GALNT7: variants seen among roughly 807,000 people sequenced by gnomAD.
GALNT7 encodes the protein polypeptide N-acetylgalactosaminyltransferase 7.
Under a neutral mutation model 82.1 loss-of-function variants are expected in GALNT7, and 60 were observed. The observed-to-expected ratio is 0.73, with a 90% CI of 0.59 to 0.91. The LOEUF is 0.91. Among genes scored for constraint, GALNT7 ranks in the 40% least tolerant of loss-of-function variants. The pLI is 0.00. For synonymous variants in GALNT7, 243 were observed against 275.1 expected (o/e 0.88, Z 1.15); for missense variants, 660 against 804.2 (o/e 0.82, Z 2.17).
At chr4:173,229,833 TA>T in intron 1 of GALNT7, among the ~76,000 whole-genome samples, 1 of 152,220 alleles carries the variant, frequency 6.6e-6, no homozygotes, top group East Asian at 1.9e-4. Context: ...CTTTCTCTGA[TA>T]AATTGATTTA....
intron 2 of GALNT7, among the ~76,000 whole-genome samples, chr4:173,275,763 TC>T (rs1404657404): frequency 6.6e-6 from 1 of 152,158 alleles, no homozygotes; most frequent in Non-Finnish European, 1.5e-5. Flanking sequence ...ATGAAATCTG[TC>T]CCAGGAAAAG....
At chr4:173,220,437 A>C (rs1054601070) in intron 1 of GALNT7, among the ~76,000 whole-genome samples, 8 of 151,806 alleles carry the variant, frequency 5.3e-5, no homozygotes, top group Admixed American at 5.2e-4. Flanking sequence ...ATACCTCCAG[A>C]TTTGTTCTTT....
At chr4:173,203,935 T>A (rs911738097) in intron 1 of GALNT7, among the ~76,000 whole-genome samples, 1 of 152,218 alleles carries the variant, frequency 6.6e-6, no homozygotes, top group Non-Finnish European at 1.5e-5. Flanking sequence ...AGTTTTATGC[T>A]TTCATATGTT....
chr4:173,194,424 CTT>C lies in GALNT7; in HGVS notation c.126+25467_126+25468del, dbSNP rs374075100. 6.2e-3 allele frequency among the ~76,000 whole-genome samples: 942 copies of C among 152,310 alleles called. 8 individuals are homozygous for C. The highest frequency in any genetic ancestry group is 0.02 in the African/African-American group (841 of 41,562). On this transcript the variant is annotated intron_variant, in intron 1 of 11. Transcript: ENST00000265000. Reference sequence around the variant, plus strand: ...AAAATGTTTGGAAAGCTGTTGGAAACTTTTTGTCAACACGTCCACATTTGCAG... The same window carrying C: ...AAAATGTTTGGAAAGCTGTTGGAAACTTTGTCAACACGTCCACATTTGCAG...
chr4:173,272,321 T>C (rs1579977644), intron 2 of GALNT7, among the ~76,000 whole-genome samples: 2 of 152,356 alleles, frequency 1.3e-5, no homozygotes, highest in East Asian at 3.9e-4. Flanking sequence ...ACTGATACTA[T>C]TTCAAGATGA....
chr4:173,319,226 C>T (rs1452486426), intron 11 of GALNT7, among the ~76,000 whole-genome samples: 2 of 151,996 alleles, frequency 1.3e-5, no homozygotes, highest in East Asian at 3.9e-4. Context: ...ATTTGGCTAA[C>T]ATAAATCAAT....
intron 2 of GALNT7, among the ~76,000 whole-genome samples, chr4:173,274,162 A>ATTT (rs555205725): frequency 6.6e-6 from 1 of 152,104 alleles, no homozygotes; most frequent in Non-Finnish European, 1.5e-5. Context: ...TCCCTGCCAG[A>ATTT]TTTTTTTTCT....
chr4:173,232,947 G>C (rs1425524622), intron 1 of GALNT7, among the ~76,000 whole-genome samples: 1 of 152,104 alleles, frequency 6.6e-6, no homozygotes, highest in Non-Finnish European at 1.5e-5. Context: ...ACCTCGGTGA[G>C]ATCCACTTTT....
chr4:173,272,452 C>T (rs561150051), intron 2 of GALNT7, among the ~76,000 whole-genome samples: 20 of 152,336 alleles, frequency 1.3e-4, no homozygotes, highest in Admixed American at 3.3e-4. Flanking sequence ...GCATCTGCCT[C>T]TTTCAGAGTG....
At chr4:173,298,017 T>C (rs777706915) in intron 5 of GALNT7, 98 bp from the exon 6 acceptor site, 47 of 1,542,532 alleles carry the variant, frequency 3.0e-5, no homozygotes, top group Non-Finnish European at 3.5e-5. Context: ...TGAATGTTTA[T>C]CTAAGTTCTT....
chr4:173,314,029 G>A lies in GALNT7; in HGVS notation c.1461G>A (p.Ser487=), dbSNP rs61741158. 13 of 1,609,632 alleles carry A rather than the reference G, an allele frequency of 8.1e-6. No individual in the cohort carries two copies. The highest frequency in any genetic ancestry group is 1.6e-4 in the Middle Eastern group (1 of 6,074). ...ACTTCTATGCTAGTCGTCCTGAATC[G>A]CAGGCATTACCATATGGGGATATAT... The part of the protein sequence containing the change: ...KDYFYASRPE[S]QALPYGDISE... The change falls in exon 9 of 12, where the codon TCG becomes TCA. Residue 487 remains serine (S), a synonymous_variant. Coordinates refer to ENST00000265000, the MANE Select transcript of GALNT7 (RefSeq NM_017423.3).
chr4:173,187,896 A>G (rs1732506818), intron 1 of GALNT7, among the ~76,000 whole-genome samples: 1 of 152,176 alleles, frequency 6.6e-6, no homozygotes, highest in South Asian at 2.1e-4. Context: ...TTTCCTTCAT[A>G]TTATGAATAT....
At chr4:173,259,443 A>C (rs1735173754) in intron 2 of GALNT7, among the ~76,000 whole-genome samples, 1 of 149,412 alleles carries the variant, frequency 6.7e-6, no homozygotes. Context: ...TTTTTTTTTA[A>C]TAACAAATAC....
intron 2 of GALNT7, among the ~76,000 whole-genome samples, chr4:173,259,741 G>A (rs969943732): frequency 7.2e-5 from 11 of 152,224 alleles, no homozygotes; most frequent in Non-Finnish European, 1.0e-4. Context: ...GGGTTCAAGT[G>A]ATTTTACCAC....
intron 8 of GALNT7, among the ~76,000 whole-genome samples, chr4:173,307,455 A>G (rs1737202296): frequency 6.6e-6 from 1 of 152,264 alleles, no homozygotes; most frequent in Non-Finnish European, 1.5e-5. Context: ...CTCTAGGGAC[A>G]GAGTGGTGCC....
chr4:173,284,731 AC>A (rs928374490), intron 2 of GALNT7, among the ~76,000 whole-genome samples: 8 of 151,436 alleles, frequency 5.3e-5, no homozygotes, highest in Admixed American at 2.0e-4. Context: ...GAAAAAAAAA[AC>A]AACAACAAAA....
chr4:173,280,660 G>C (rs562206218), intron 2 of GALNT7, among the ~76,000 whole-genome samples: 18 of 152,186 alleles, frequency 1.2e-4, no homozygotes, highest in Non-Finnish European at 2.1e-4. Flanking sequence ...CTTGGGAAAT[G>C]AGATACCAAA....
chr4:173,275,320 C>T (rs759631009), intron 2 of GALNT7, among the ~76,000 whole-genome samples: 1 of 152,136 alleles, frequency 6.6e-6, no homozygotes, highest in Non-Finnish European at 1.5e-5. Flanking sequence ...CTAACCGTAC[C>T]GTTACTGTGT....
intron 1 of GALNT7, among the ~76,000 whole-genome samples, chr4:173,203,760 TA>T (rs1408089584): frequency 6.6e-6 from 1 of 152,240 alleles, no homozygotes; most frequent in African/African-American, 2.4e-5. Flanking sequence ...TCCCACATTT[TA>T]CGCTTTTGAT....
Sources: gnomAD v4.1 joint callset for allele counts (sites outside exome capture counted in the v4.1 genomes callset) on GRCh38, gnomAD v4.1.1 for gene constraint, MANE v1.5 for transcripts, NCBI Gene and HGNC (gene_info 2026-07-23, HGNC 2026-07-21) for gene names.